EYS: variants seen among roughly 807,000 people sequenced by gnomAD.
EYS encodes the protein protein eyes shut homolog.
In EYS, 250 loss-of-function variants were observed where a neutral mutation model predicts 282.1. The observed-to-expected ratio is 0.89, with a 90% CI of 0.80 to 0.98. The LOEUF is 0.98. Ranked by LOEUF, EYS falls within the 50% of genes least tolerant of loss-of-function variation. The probability of loss-of-function intolerance (pLI) is 0.00; values close to 1 mark genes in which losing one functional copy is unlikely to be tolerated. For synonymous variants in EYS, 1,355 were observed against 1,282.9 expected, an observed-to-expected ratio of 1.06 and a Z score of -1.20; for missense variants, 4,016 against 3,709.0, an observed-to-expected ratio of 1.08 and a Z score of -2.15.
intron 12 of EYS, among the ~76,000 whole-genome samples, chr6:65,173,960 C>G (rs779082959): frequency 6.6e-6 from 1 of 150,998 alleles, no homozygotes; most frequent in Non-Finnish European, 1.5e-5. Context: ...GTAATCACAA[C>G]GTATATATAG....
At chr6:65,611,151 T>C (rs1171045928) in intron 2 of EYS, among the ~76,000 whole-genome samples, 1 of 150,960 alleles carries the variant, frequency 6.6e-6, no homozygotes, top group Non-Finnish European at 1.5e-5. Flanking sequence ...TTGAATCAAA[T>C]AACCGTGTGG....
At chr6:63,948,552 T>C (rs1765466865) in intron 35 of EYS, among the ~76,000 whole-genome samples, 1 of 152,222 alleles carries the variant, frequency 6.6e-6, no homozygotes, top group African/African-American at 2.4e-5. Flanking sequence ...AGCAATGCCC[T>C]GTTTTTCCAT....
At chr6:64,522,834 C>T (rs1777789432) in intron 26 of EYS, among the ~76,000 whole-genome samples, 1 of 151,712 alleles carries the variant, frequency 6.6e-6, no homozygotes, top group African/African-American at 2.4e-5. Context: ...TTAAGTGTAT[C>T]TGAATGCCAA....
rs552625210 is a variant in EYS at position 65,653,289 on chromosome 6, C to A, written c.-447-13397G>T. On this transcript the variant is annotated intron_variant, in intron 1 of 42. Coordinates refer to ENST00000503581, the MANE Select transcript of EYS (RefSeq NM_001142800.2). ...AGAGCACAGCAAGAAAAGAACAAAT[C>A]ATTGGTCAAACACACCCAGGATGGG... 2.0e-4 allele frequency among the ~76,000 whole-genome samples: 30 copies of A among 151,950 alleles called. No individual in the cohort carries two copies. The South Asian group carries it at 5.8e-3, about 30-fold the overall frequency.
At chr6:64,536,058 T>C (rs931102800) in intron 26 of EYS, among the ~76,000 whole-genome samples, 1 of 152,074 alleles carries the variant, frequency 6.6e-6, no homozygotes, top group Non-Finnish European at 1.5e-5. Context: ...TCTAATACCA[T>C]ATATCAACTA....
At chr6:64,678,169 A>AGCTTTTG (rs1769759868) in intron 22 of EYS, among the ~76,000 whole-genome samples, 1 of 152,096 alleles carries the variant, frequency 6.6e-6, no homozygotes, top group Non-Finnish European at 1.5e-5. Context: ...TTGAGTATCA[A>AGCTTTTG]AAAGAGTCTG....
intron 40 of EYS, among the ~76,000 whole-genome samples, chr6:63,774,262 A>G (rs898216713): frequency 6.6e-6 from 1 of 151,546 alleles, no homozygotes; most frequent in African/African-American, 2.4e-5. Flanking sequence ...TCTGCCTCCC[A>G]GGTTCAAGCG....
chr6:64,997,611 G>A lies in EYS; in HGVS notation c.2230C>T (p.His744Tyr), dbSNP rs1458688528. ...TGCAGGTCTTTGCAGGTAGAATTGT[G>A]CTCACAGGCATTCAGGATGCAGTCA... ...IDDCILNACE[H>Y]NSTCKDLHLS... Residue 744 changes from histidine to tyrosine, a missense_variant, in exon 14 of 43, where the codon CAC becomes TAC. By Grantham distance (83) the His-to-Tyr change is moderately conservative. Coordinates refer to ENST00000503581, the MANE Select transcript of EYS (RefSeq NM_001142800.2). The A allele has an allele frequency of 1.9e-6, 3 of 1,551,152 alleles. No homozygotes were observed. Among genetic ancestry groups the A allele is most frequent in the African/African-American group, 2.7e-5 (2 of 73,118 alleles).
Position 65,127,621 on chromosome 6 carries a change from T to C in EYS, c.2024-69894A>G, listed in dbSNP as rs548476569. On this transcript the variant is annotated intron_variant, in intron 12 of 42. Transcript: ENST00000503581. ...TGAAACAGGAAGCCTATGTATCTAA[T>C]AATAAGGTGGAATTGCATCATGTGT... is the stretch of plus-strand genomic sequence containing the variant. 9.6e-4 allele frequency among the ~76,000 whole-genome samples: 146 copies of C among 152,262 alleles called. 3 individuals carry two copies. In the South Asian group the frequency reaches 0.029, roughly 30 times the overall value.
At chr6:65,537,776 C>T (rs1023575547) in intron 2 of EYS, among the ~76,000 whole-genome samples, 5 of 152,066 alleles carry the variant, frequency 3.3e-5, no homozygotes, top group Non-Finnish European at 7.4e-5. Flanking sequence ...ATCGGATGAG[C>T]CATTAGCATG....
At position 65,361,547 on chromosome 6, in the gene EYS, C is replaced by A. The variant is rs74923066; in HGVS notation, c.1300-7930G>T. ...CCAGGCTGGAATGCAGTAGTGCTAT[C>A]TCTGCCCACTGCAACAACCTCCACC... On this transcript the variant is annotated intron_variant, in intron 8 of 42. Transcript: ENST00000503581. Among the ~76,000 whole-genome samples, 6 of 148,612 alleles carry A rather than the reference C, an allele frequency of 4.0e-5. No individual in the cohort carries two copies. In the East Asian group the frequency reaches 1.2e-3, roughly 30 times the overall value.
intron 26 of EYS, among the ~76,000 whole-genome samples, chr6:64,501,118 A>T (rs1777027024): frequency 6.9e-6 from 1 of 144,956 alleles, no homozygotes. Context: ...TACTAATTTC[A>T]TTGCTTGGGA....
intron 31 of EYS, among the ~76,000 whole-genome samples, chr6:64,139,787 G>A (rs1348446158): frequency 1.3e-5 from 2 of 151,942 alleles, no homozygotes; most frequent in Non-Finnish European, 2.9e-5. Flanking sequence ...TGGCCAAGAT[G>A]GGAAAACCCC....
chr6:64,651,141 T>C (rs1562112882), intron 22 of EYS, among the ~76,000 whole-genome samples: 1 of 151,620 alleles, frequency 6.6e-6, no homozygotes, highest in African/African-American at 2.4e-5. Flanking sequence ...CTTTCTAACC[T>C]AAAAAAAAGG....
chr6:64,896,678 C>T (rs1017666095), intron 18 of EYS, among the ~76,000 whole-genome samples: 7 of 152,036 alleles, frequency 4.6e-5, no homozygotes, highest in African/African-American at 1.7e-4. Context: ...CCCCACAGAG[C>T]CCAGCAACCT....
At position 65,016,223 on chromosome 6, in the gene EYS, A is replaced by T. The variant is rs1403122925; in HGVS notation, c.2138-18520T>A. Among the ~76,000 whole-genome samples the T allele has an allele frequency of 4.0e-5, 6 of 151,712 alleles. No individual in the cohort carries two copies. In the East Asian group the frequency reaches 9.7e-4, roughly 24 times the overall value. ...TACTAAAAAAAAAAAGTATATATAT[A>T]TTTTTCCTCTAATTGAAATTTGCAT... On this transcript the variant is annotated intron_variant, in intron 13 of 42. Coordinates refer to ENST00000503581, the MANE Select transcript of EYS (RefSeq NM_001142800.2).
intron 35 of EYS, among the ~76,000 whole-genome samples, chr6:63,952,412 T>A (rs1343378667): frequency 6.6e-6 from 1 of 151,934 alleles, no homozygotes; most frequent in Non-Finnish European, 1.5e-5. Flanking sequence ...CTTTGGGTAA[T>A]TCTTACAGTG....
chr6:64,835,764 C>T (rs1390271), intron 19 of EYS, among the ~76,000 whole-genome samples: 23,146 of 151,434 alleles, frequency 0.15, 2,003 homozygotes, highest in East Asian at 0.43. Context: ...CAACTGTGTA[C>T]ATATTATAAC....
Position 63,794,597 on chromosome 6 carries a change from A to G in EYS, c.7412-5373T>C, listed in dbSNP as rs535013834. Reference sequence around the variant, plus strand: ...AGCCCATAATAACATAAGCAATGGCATATTCAAACAACCACCAATGCTATA... The same window carrying G: ...AGCCCATAATAACATAAGCAATGGCGTATTCAAACAACCACCAATGCTATA... On this transcript the variant is annotated intron_variant, in intron 37 of 42. Coordinates refer to ENST00000503581, the MANE Select transcript of EYS (RefSeq NM_001142800.2). Among the ~76,000 whole-genome samples the G allele has an allele frequency of 6.6e-5, 10 of 152,358 alleles. No homozygotes were observed. The East Asian group carries it at 1.9e-3, about 29-fold the overall frequency.
Sources: gnomAD v4.1 joint callset for allele counts (sites outside exome capture counted in the v4.1 genomes callset) on GRCh38, gnomAD v4.1.1 for gene constraint, MANE v1.5 for transcripts, NCBI Gene and HGNC (gene_info 2026-07-23, HGNC 2026-07-21) for gene names.